The following ZNF280C variants were observed in gnomAD, a reference collection of about 807,000 sequenced individuals.
ZNF280C encodes zinc finger protein 280C.
Under a neutral mutation model 53.6 loss-of-function variants are expected in ZNF280C, and 14 were observed. That is an observed-to-expected ratio of 0.26 (90% CI 0.17 to 0.41). The LOEUF (loss-of-function observed/expected upper bound fraction) is 0.41. ZNF280C is among the 10% of genes least tolerant of loss of function. The pLI, the probability that ZNF280C is intolerant of heterozygous loss-of-function variation, is 1.00. For synonymous variants in ZNF280C, 203 were observed against 181.1 expected, an observed-to-expected ratio of 1.12 and a Z score of -0.97; for missense variants, 416 against 547.1, an observed-to-expected ratio of 0.76 and a Z score of 2.39.
At chrX:130,225,591 C>G (rs1281429596) in intron 12 of ZNF280C, among the ~76,000 whole-genome samples, 1 of 108,298 alleles carries the variant, frequency 9.2e-6, no homozygotes, top group East Asian at 2.9e-4. Flanking sequence ...TTATTAACAT[C>G]TGAGTGAACA....
chrX:130,226,751 A>C lies in ZNF280C; in HGVS notation c.1395+8T>G, dbSNP rs777378740. ...CAACATGAACAAATAAGAACTGCTT[A>C]ATCTCACCTGATGCTTCATGTAATG... On this transcript the variant is annotated splice_region_variant and intron_variant, in intron 12 of 18. Transcript: ENST00000370978. 1 of 1,203,232 alleles carries C rather than the reference A, an allele frequency of 8.3e-7. No individual in the cohort carries two copies. The highest frequency in any genetic ancestry group is 1.8e-5 in the South Asian group (1 of 55,152).
intron 1 of ZNF280C, among the ~76,000 whole-genome samples, chrX:130,265,349 C>G (rs1201774830): frequency 2.7e-5 from 3 of 111,868 alleles, no homozygotes. Flanking sequence ...TTACTTTATA[C>G]TCAGGGTATA....
intron 12 of ZNF280C, among the ~76,000 whole-genome samples, chrX:130,221,696 T>A (rs913626452): frequency 1.8e-5 from 2 of 111,330 alleles, no homozygotes; most frequent in South Asian, 3.8e-4. Context: ...TAAAAAAAAA[T>A]TTATAATCTT....
At chrX:130,207,986 T>C (rs2031994901) in intron 16 of ZNF280C, among the ~76,000 whole-genome samples, 2 of 111,950 alleles carry the variant, frequency 1.8e-5, no homozygotes, top group African/African-American at 6.5e-5. Context: ...GCCTTCTTCA[T>C]CACGGTCATC....
At chrX:130,206,745 T>C (rs2031979831) in intron 16 of ZNF280C, among the ~76,000 whole-genome samples, 1 of 112,088 alleles carries the variant, frequency 8.9e-6, no homozygotes, top group Non-Finnish European at 1.9e-5. Context: ...TTCATAAAAC[T>C]GGAATCATGT....
intron 13 of ZNF280C, among the ~76,000 whole-genome samples, chrX:130,216,786 G>A (rs1455403211): frequency 9.0e-6 from 1 of 111,580 alleles, no homozygotes; most frequent in Non-Finnish European, 1.9e-5. Context: ...ATCACTTGAG[G>A]TAAGGAGTTT....
intron 15 of ZNF280C, among the ~76,000 whole-genome samples, chrX:130,211,178 C>T (rs768029860): frequency 1.3e-4 from 14 of 111,738 alleles, no homozygotes; most frequent in African/African-American, 2.6e-4. Flanking sequence ...GTGAATACAA[C>T]GAAAGAGCTT....
In ZNF280C at chrX:130,227,690, C is replaced by T; in HGVS notation, c.1240G>A (p.Val414Ile). 1 of 1,186,210 alleles carries T rather than the reference C, an allele frequency of 8.4e-7. No homozygotes were observed. Among genetic ancestry groups the T allele is most frequent in the South Asian group, 1.8e-5 (1 of 56,109 alleles). The part of the protein sequence containing the change: ...DTHKPGEMPY[V>I]CQVCQFRSST... ...ATAAAATGTGTGTGTACCTGGCAAA[C>T]ATATGGCATTTCACCAGGTTTATGG... Residue 414 changes from valine to isoleucine, a missense_variant, in exon 11 of 19, where the codon GTT (valine) becomes ATT (isoleucine). This residue lies in a region of ZNF280C where 72 missense variants were observed against 168.8 expected (regional missense o/e 0.43). Transcript: ENST00000370978.
intron 1 of ZNF280C, among the ~76,000 whole-genome samples, chrX:130,266,656 ACTC>A (rs1480247827): frequency 1.8e-5 from 2 of 111,244 alleles, no homozygotes; most frequent in Non-Finnish European, 3.8e-5. Flanking sequence ...GAAAAAAAAA[ACTC>A]CTTAAAAGAA....
At position 130,260,020 on chromosome X, in the gene ZNF280C, C is replaced by T. The variant is rs965642480; in HGVS notation, c.31+399G>A. On this transcript the variant is annotated intron_variant, in intron 2 of 18. Coordinates refer to ENST00000370978, the MANE Select transcript of ZNF280C (RefSeq NM_017666.5). ...TAAACAGGCCAGGTGCGGTGGCTCA[C>T]GCCTGTAATCCCAGCACTTTGGGAG... 7.2e-5 allele frequency among the ~76,000 whole-genome samples: 8 copies of T among 110,855 alleles called. No individual in the cohort carries two copies. The Middle Eastern group carries it at 0.014, about 194-fold the overall frequency.
In ZNF280C at chrX:130,213,015, T is replaced by G. The variant is rs1401846712; in HGVS notation, c.1979+2178A>C. On this transcript the variant is annotated intron_variant, in intron 15 of 18. Transcript: ENST00000370978. ...GTAATTATTAGGCAAGGTTAACAAC[T>G]GAGGGACTAGAATAAAATCTGACAG... 4.5e-5 allele frequency among the ~76,000 whole-genome samples: 5 copies of G among 111,874 alleles called. No individual in the cohort carries two copies. The East Asian group carries it at 1.4e-3, about 31-fold the overall frequency.
In ZNF280C at chrX:130,203,475, T is replaced by C. The variant is rs1053622563; in HGVS notation, c.*1502A>G. ...ATCGAGACCATCCTGGCTAACATGG[T>C]GAAACCCTGTCTCTACTAAAAATAC... On this transcript the variant is annotated 3_prime_UTR_variant, in exon 19 of 19. Transcript: ENST00000370978. The C allele has an allele frequency of 9.0e-6, 1 of 110,686 alleles. No homozygotes were observed. Among genetic ancestry groups the C allele is most frequent in the African/African-American group, 3.3e-5 (1 of 30,433 alleles). 9.1% of individuals were successfully genotyped at this position (110,686 alleles called of 1,213,427 possible).
intron 5 of ZNF280C, among the ~76,000 whole-genome samples, chrX:130,242,496 G>T (rs773614368): frequency 1.8e-5 from 2 of 111,823 alleles, no homozygotes; most frequent in East Asian, 5.6e-4. Flanking sequence ...TTAAAAATGT[G>T]GCCATTATGC....
intron 3 of ZNF280C, among the ~76,000 whole-genome samples, chrX:130,244,788 AAAAAAAAAAAAAG>A (rs1488052263): frequency 3.4e-5 from 3 of 87,439 alleles, no homozygotes; most frequent in African/African-American, 5.1e-5. Context: ...AAAAAAAAAA[AAAAAAAAAAAAAG>A]AGAGAAAAGA....
At chrX:130,257,938 G>A (rs964642735) in intron 2 of ZNF280C, among the ~76,000 whole-genome samples, 2 of 111,126 alleles carry the variant, frequency 1.8e-5, no homozygotes, top group Admixed American at 9.6e-5. Flanking sequence ...GTGAAATCTC[G>A]TCTCTACTAA....
At position 130,202,802 on chromosome X, in the gene ZNF280C, T is replaced by C. The variant is rs2031927801; in HGVS notation, c.*2175A>G. 1 of 111,277 alleles carries C rather than the reference T, an allele frequency of 9.0e-6. No homozygotes were observed. The highest frequency in any genetic ancestry group is 3.7e-4 in the South Asian group (1 of 2,673). 9.2% of individuals were successfully genotyped at this position (111,277 alleles called of 1,213,427 possible). On this transcript the variant is annotated 3_prime_UTR_variant, in exon 19 of 19. Transcript: ENST00000370978. Reference sequence around the variant, plus strand: ...TAACATCAAAACTGTTCAGCAAATCTGTATTCAATGTAACCAAAATAAACA... The same window carrying C: ...TAACATCAAAACTGTTCAGCAAATCCGTATTCAATGTAACCAAAATAAACA...
At chrX:130,262,939 T>C (rs1203843389) in intron 1 of ZNF280C, among the ~76,000 whole-genome samples, 5 of 112,506 alleles carry the variant, frequency 4.4e-5, no homozygotes, top group African/African-American at 1.6e-4. Context: ...AAGTTAAAAA[T>C]AGATTGACAT....
At chrX:130,254,619 G>A (rs769136246) in intron 2 of ZNF280C, among the ~76,000 whole-genome samples, 2 of 111,628 alleles carry the variant, frequency 1.8e-5, no homozygotes, top group Non-Finnish European at 3.8e-5. Context: ...AACATGGATG[G>A]AGCTGGAGAC....
intron 16 of ZNF280C, among the ~76,000 whole-genome samples, chrX:130,208,789 G>T (rs886469571): frequency 9.2e-6 from 1 of 108,288 alleles, no homozygotes; most frequent in Non-Finnish European, 1.9e-5. Flanking sequence ...TCTGCCCTCC[G>T]GGTTCAAGCG....
Sources: gnomAD v4.1 joint callset for allele counts (sites outside exome capture counted in the v4.1 genomes callset) on GRCh38, gnomAD v4.1.1 for gene constraint, gnomAD v4.1.1 regional missense constraint, MANE v1.5 for transcripts, NCBI Gene and HGNC (gene_info 2026-07-23, HGNC 2026-07-21) for gene names.